SRPRB: variants seen among roughly 807,000 people sequenced by gnomAD.
SRPRB encodes signal recognition particle receptor subunit beta.
A neutral mutation model predicts 31.9 loss-of-function variants in SRPRB; 20 were observed. The ratio of observed to expected loss-of-function variants is 0.63; its 90% CI spans 0.44 to 0.91. The LOEUF (loss-of-function observed/expected upper bound fraction) is 0.91. SRPRB is among the 40% of genes least tolerant of loss of function. SRPRB has a pLI of 0.00. For missense variants in SRPRB, 321 were observed against 324.9 expected (o/e 0.99, Z 0.09); for synonymous variants, 146 against 132.8 (o/e 1.10, Z -0.68).
chr3:133,806,574 G>A (rs766622431), intron 1 of SRPRB, 35 bp from the exon 2 acceptor site: 5 of 1,570,128 alleles, frequency 3.2e-6, no homozygotes, highest in Non-Finnish European at 4.4e-6. Context: ...TTCCCAAGGC[G>A]TAATTTTTGT....
At position 133,817,663 on chromosome 3, in the gene SRPRB, T is replaced by A. The variant is rs563885540; in HGVS notation, c.602+731T>A. Among the ~76,000 whole-genome samples the A allele has an allele frequency of 2.0e-5, 3 of 152,308 alleles. No homozygotes were observed. In the South Asian group the frequency reaches 6.2e-4, roughly 32 times the overall value. ...AAGCAAGTTATGTTTTCTTATTGCT[T>A]TTGTGTAAGGCCTTGAAAAGGATCT... On this transcript the variant is annotated intron_variant, in intron 6 of 6. Transcript: ENST00000678299.
At chr3:133,808,943 G>A (rs1935211919) in intron 3 of SRPRB, among the ~76,000 whole-genome samples, 1 of 150,944 alleles carries the variant, frequency 6.6e-6, no homozygotes, top group Admixed American at 6.6e-5. Flanking sequence ...ACATACCTCT[G>A]TAACTTCAGA....
intron 6 of SRPRB, among the ~76,000 whole-genome samples, chr3:133,817,182 A>T (rs76497943): frequency 6.6e-6 from 1 of 152,198 alleles, no homozygotes; most frequent in Non-Finnish European, 1.5e-5. Context: ...TTATTTTACC[A>T]TTGTTACTAA....
upstream of SRPRB, among the ~76,000 whole-genome samples, chr3:133,803,211 T>C (rs1203000096): frequency 6.6e-6 from 1 of 152,142 alleles, no homozygotes; most frequent in Non-Finnish European, 1.5e-5. Context: ...TAGTCCTCCA[T>C]AGATCTGTCA....
In SRPRB at chr3:133,789,879, G is replaced by GTTTC. The variant is rs1372575305; in HGVS notation, c.-174+5738_-174+5739insCTTT. ...GCCAAAACAAAACGATCTCGTTTGCGTTTTTTTTTTTTTTTTTTTTTTTTT... is the reference window on the plus strand; with the variant it reads ...GCCAAAACAAAACGATCTCGTTTGCGTTTCTTTTTTTTTTTTTTTTTTTTTTTTT... On this transcript the variant is annotated intron_variant, in intron 1 of 7. Coordinates refer to the SRPRB transcript ENST00000466490. 3.4e-4 allele frequency: 30 copies of GTTTC among 88,964 alleles called. 1 individual carries two copies. The highest frequency in any genetic ancestry group is 1.6e-3 in the African/African-American group (29 of 18,258). The allele number at this position is 88,964 out of a possible 1,614,324, so 5.5% of individuals were successfully genotyped here.
At chr3:133,828,197 G>C, downstream of SRPRB, 1 of 578,356 alleles carries the variant, frequency 1.7e-6, no homozygotes, top group Non-Finnish European at 3.1e-6. Flanking sequence ...GCCATGGAAA[G>C]ACAAGAGTCA....
chr3:133,793,748 A>G (rs1163343870), intron 1 of SRPRB: 2 of 152,156 alleles, frequency 1.3e-5, no homozygotes, highest in Non-Finnish European at 2.9e-5. Context: ...AAACTTCACA[A>G]GCATGCAAAG....
chr3:133,791,542 T>C (rs528157521), intron 1 of SRPRB: 5 of 152,288 alleles, frequency 3.3e-5, no homozygotes, highest in Non-Finnish European at 7.3e-5. Flanking sequence ...AAAGTTTTGA[T>C]TAATATAAAA....
At chr3:133,803,187 T>G (rs976706183), upstream of SRPRB, among the ~76,000 whole-genome samples, 29 of 152,194 alleles carry the variant, frequency 1.9e-4, no homozygotes, top group African/African-American at 5.3e-4. Context: ...AGTTTTTTTT[T>G]TCCTCTCAAG....
intron 1 of SRPRB, among the ~76,000 whole-genome samples, chr3:133,799,658 G>C (rs918112039): frequency 6.6e-6 from 1 of 152,138 alleles, no homozygotes; most frequent in Non-Finnish European, 1.5e-5. Context: ...GAATTTTGCA[G>C]TTCCTGGTAT....
upstream of SRPRB, among the ~76,000 whole-genome samples, chr3:133,803,660 CTT>C (rs111599503): frequency 3.6e-4 from 53 of 145,908 alleles, no homozygotes; most frequent in East Asian, 7.8e-3. Flanking sequence ...GTCCCAGTTC[CTT>C]TTTTTTTTTT....
intron 4 of SRPRB, among the ~76,000 whole-genome samples, chr3:133,812,983 C>G (rs534894313): frequency 1.3e-5 from 2 of 152,234 alleles, no homozygotes; most frequent in East Asian, 3.9e-4. Flanking sequence ...GATGAGTAGT[C>G]AAATGTTTTC....
At chr3:133,805,741 G>A, upstream of SRPRB, 1 of 1,423,290 alleles carries the variant, frequency 7.0e-7, no homozygotes, top group Admixed American at 2.6e-5. Flanking sequence ...GGCTGAGGGA[G>A]AGACTATGGC....
downstream of SRPRB, chr3:133,826,344 G>A (rs944652424): frequency 2.0e-5 from 3 of 152,216 alleles, no homozygotes; most frequent in Non-Finnish European, 4.4e-5. Flanking sequence ...CGGTGCCTTG[G>A]ATGTGTGTGC....
chr3:133,798,426 C>G (rs201701834), intron 1 of SRPRB, among the ~76,000 whole-genome samples: 7 of 152,170 alleles, frequency 4.6e-5, no homozygotes, highest in Non-Finnish European at 1.0e-4. Context: ...AATGAATTCT[C>G]TTAGAAACAT....
At chr3:133,827,944 T>G (rs1301001261), downstream of SRPRB, 25 of 702,788 alleles carry the variant, frequency 3.6e-5, no homozygotes, top group East Asian at 6.4e-4. Context: ...GGCACCCCAG[T>G]CTATAAACCA....
chr3:133,800,491 G>A (rs1188383623), intron 1 of SRPRB, among the ~76,000 whole-genome samples: 1 of 152,158 alleles, frequency 6.6e-6, no homozygotes, highest in Non-Finnish European at 1.5e-5. Flanking sequence ...GGACTGGAGG[G>A]AGCTGCCCAA....
At chr3:133,786,230 A>AAAAAC (rs1934679998) in intron 1 of SRPRB, 1 of 77,142 alleles carries the variant, frequency 1.3e-5, no homozygotes, top group African/African-American at 3.5e-5. Flanking sequence ...ATTAAAAAAA[A>AAAAAC]AAAAAAAAAA....
downstream of SRPRB, chr3:133,825,526 C>T (rs1371418211): frequency 6.6e-6 from 1 of 152,218 alleles, no homozygotes; most frequent in African/African-American, 2.4e-5. Context: ...CAACAGCTAC[C>T]AAGCCAACTA....
Sources: gnomAD v4.1 joint callset for allele counts (sites outside exome capture counted in the v4.1 genomes callset) on GRCh38, gnomAD v4.1.1 for gene constraint, MANE v1.5 for transcripts, NCBI Gene and HGNC (gene_info 2026-07-23, HGNC 2026-07-21) for gene names.